The following ZDHHC15 variants were observed in gnomAD, a reference collection of about 807,000 sequenced individuals.
ZDHHC15 encodes the protein palmitoyltransferase ZDHHC15.
In ZDHHC15, 19 loss-of-function variants were observed where a neutral mutation model predicts 31.7. That is an observed-to-expected ratio of 0.60 (90% confidence interval 0.42 to 0.88). The LOEUF (loss-of-function observed/expected upper bound fraction) is 0.88. ZDHHC15 is among the 40% of genes least tolerant of loss of function. ZDHHC15 has a pLI of 0.00. For synonymous variants in ZDHHC15, 103 were observed against 90.0 expected (o/e 1.14, Z -0.82); for missense variants, 209 against 251.2 (o/e 0.83, Z 1.14).
At chrX:75,496,819 T>C (rs960857722) in intron 2 of ZDHHC15, among the ~76,000 whole-genome samples, 2 of 111,330 alleles carry the variant, frequency 1.8e-5, no homozygotes, top group Non-Finnish European at 3.8e-5. Context: ...ACACAACCTA[T>C]TGTGTCTCTG....
chrX:75,457,640 TACACTC>T (rs1383991156), intron 3 of ZDHHC15, among the ~76,000 whole-genome samples: 2 of 90,037 alleles, frequency 2.2e-5, no homozygotes, highest in East Asian at 1.1e-3. Flanking sequence ...AAGTTTTATT[TACACTC>T]ACACACACAC....
At chrX:75,457,897 A>T (rs947231651) in intron 3 of ZDHHC15, among the ~76,000 whole-genome samples, 2 of 111,941 alleles carry the variant, frequency 1.8e-5, no homozygotes, top group African/African-American at 6.5e-5. Flanking sequence ...TGAATGGGTT[A>T]TATGCAAATA....
chrX:75,431,920 G>C (rs776433527), intron 4 of ZDHHC15, among the ~76,000 whole-genome samples: 52 of 111,855 alleles, frequency 4.6e-4, no homozygotes, highest in Non-Finnish European at 8.6e-4. Context: ...GTATGTGGTG[G>C]ATAACACTCC....
At chrX:75,491,883 T>A (rs1220749689) in intron 2 of ZDHHC15, among the ~76,000 whole-genome samples, 2 of 111,296 alleles carry the variant, frequency 1.8e-5, no homozygotes, top group Admixed American at 9.6e-5. Context: ...ACTGCATCAA[T>A]TAACGAGCAA....
chrX:75,395,658 C>T (rs749453258), intron 10 of ZDHHC15, among the ~76,000 whole-genome samples: 4 of 111,433 alleles, frequency 3.6e-5, no homozygotes, highest in Non-Finnish European at 5.7e-5. Context: ...CTTAATATAC[C>T]CATGACATCC....
rs187615273 is a variant in ZDHHC15 at position 75,518,121 on chromosome X, C to G, written c.136+4768G>C. On this transcript the variant is annotated intron_variant, in intron 1 of 11. Transcript: ENST00000373367. The stretch of plus-strand genomic sequence containing the variant: ...AATATGACACCAAAAGCATAGGCAA[C>G]AAAAGAAAAAATAGATAAATTGAAT... 8.4e-3 allele frequency among the ~76,000 whole-genome samples: 473 copies of G among 56,525 alleles called. 1 individual carries two copies. Among genetic ancestry groups the G allele is most frequent in the African/African-American group, 0.016 (452 of 27,725 alleles). 49.1% of individuals were successfully genotyped at this position (56,525 alleles called of 115,157 possible). A position where few individuals can be genotyped will look rare whatever the true frequency, so the allele number is the denominator to read the frequency against.
chrX:75,453,436 T>A (rs951410345), intron 3 of ZDHHC15, among the ~76,000 whole-genome samples: 1 of 111,470 alleles, frequency 9.0e-6, no homozygotes, highest in Non-Finnish European at 1.9e-5. Context: ...ACCAGATGGA[T>A]TCACAGCCAA....
intron 10 of ZDHHC15, among the ~76,000 whole-genome samples, chrX:75,392,167 T>C (rs2083251504): frequency 8.9e-6 from 1 of 112,142 alleles, no homozygotes; most frequent in Admixed American, 9.5e-5. Flanking sequence ...GGTCTCAAAA[T>C]AGGCTGTCTG....
chrX:75,450,566 C>T, intron 4 of ZDHHC15: 1 of 261,259 alleles, frequency 3.8e-6, no homozygotes, highest in Non-Finnish European at 5.3e-6. Flanking sequence ...GATATAGCAA[C>T]ACAGAAAAAT....
chrX:75,378,752 T>A (rs920610395), intron 11 of ZDHHC15, among the ~76,000 whole-genome samples: 1 of 110,875 alleles, frequency 9.0e-6, no homozygotes, highest in Non-Finnish European at 1.9e-5. Context: ...CATAATGGAG[T>A]CAGGCAAAAG....
chrX:75,381,085 C>T (rs141186946), intron 10 of ZDHHC15, among the ~76,000 whole-genome samples: 4,458 of 110,759 alleles, frequency 0.04, 105 homozygotes, highest in Middle Eastern at 0.075. Flanking sequence ...TTATATAAGT[C>T]GCATTACCTC....
chrX:75,487,492 A>C (rs1389033825), intron 2 of ZDHHC15, among the ~76,000 whole-genome samples: 1 of 112,153 alleles, frequency 8.9e-6, no homozygotes, highest in Non-Finnish European at 1.9e-5. Flanking sequence ...AGAGCACCAC[A>C]TCAAGGGATC....
chrX:75,378,877 C>T (rs1039236378), intron 11 of ZDHHC15, among the ~76,000 whole-genome samples: 5 of 110,702 alleles, frequency 4.5e-5, no homozygotes, highest in Admixed American at 9.7e-5. Flanking sequence ...TCTGGATCCC[C>T]GGAGTTTTTT....
chrX:75,427,064 C>T (rs953074749), intron 7 of ZDHHC15, among the ~76,000 whole-genome samples: 1 of 111,941 alleles, frequency 8.9e-6, no homozygotes, highest in Non-Finnish European at 1.9e-5. Flanking sequence ...CAGCTTGTCT[C>T]CTTGATACAC....
intron 3 of ZDHHC15, among the ~76,000 whole-genome samples, chrX:75,455,255 C>T (rs1405766367): frequency 1.8e-5 from 2 of 111,425 alleles, no homozygotes; most frequent in African/African-American, 6.5e-5. Context: ...CTGACAAAAA[C>T]AAGAAATGGG....
chrX:75,434,582 T>A (rs1320760971), intron 4 of ZDHHC15, among the ~76,000 whole-genome samples: 4 of 112,097 alleles, frequency 3.6e-5, no homozygotes, highest in Non-Finnish European at 7.5e-5. Context: ...CCAGCATCAT[T>A]TGTTGAATAG....
At chrX:75,397,355 G>A (rs1360871033) in intron 10 of ZDHHC15, among the ~76,000 whole-genome samples, 1 of 109,704 alleles carries the variant, frequency 9.1e-6, no homozygotes, top group African/African-American at 3.3e-5. Context: ...GAATAAACAA[G>A]ATTTAGTATT....
chrX:75,448,067 G>T (rs1041393675), intron 4 of ZDHHC15, among the ~76,000 whole-genome samples: 2 of 112,292 alleles, frequency 1.8e-5, no homozygotes, highest in Admixed American at 1.9e-4. Context: ...TGGTATAATA[G>T]ACTTTTAGAC....
intron 9 of ZDHHC15, among the ~76,000 whole-genome samples, chrX:75,418,179 C>G (rs2083570740): frequency 8.9e-6 from 1 of 111,812 alleles, no homozygotes; most frequent in African/African-American, 3.3e-5. Context: ...TACCCACTGA[C>G]ATAGTTTTGC....
Sources: allele counts gnomAD v4.1 joint callset (sites outside exome capture counted in the v4.1 genomes callset), GRCh38; gene constraint gnomAD v4.1.1; transcripts MANE v1.5; gene names NCBI Gene and HGNC (gene_info 2026-07-23, HGNC 2026-07-21).